The following STMN2 variants were observed in gnomAD, a reference collection of about 807,000 sequenced individuals.
STMN2 encodes stathmin-2.
Under a neutral mutation model 24.1 loss-of-function variants are expected in STMN2, and 2 were observed. The observed-to-expected ratio is 0.08, with a 90% CI of 0.03 to 0.26. The LOEUF is 0.26. Among genes scored for constraint, STMN2 ranks in the 10% least tolerant of loss-of-function variants. STMN2 has a pLI of 1.00. For missense variants in STMN2, 114 were observed against 213.6 expected (o/e 0.53, Z 2.91); for synonymous variants, 83 against 77.5 (o/e 1.07, Z -0.37).
At chr8:79,642,788 GA>G (rs1240565640) in intron 3 of STMN2, among the ~76,000 whole-genome samples, 1 of 150,600 alleles carries the variant, frequency 6.6e-6, no homozygotes, top group Non-Finnish European at 1.5e-5. Flanking sequence ...CTTTGTAGTT[GA>G]AAAAAAATCC....
At position 79,611,136 on chromosome 8, in the gene STMN2, T is replaced by C; in HGVS notation, c.-60T>C. ...TTATTCAGTCTTCTCTCTCGCTCTC[T>C]CCGCTGCTGTAGCCGGACCCTTTGC... On this transcript the variant is annotated 5_prime_UTR_variant, in exon 1 of 5. Transcript: ENST00000220876. 2.5e-6 allele frequency: 4 copies of C among 1,612,488 alleles called. No homozygotes were observed. In the South Asian group the frequency reaches 4.4e-5, roughly 18 times the overall value.
chr8:79,617,712 G>A (rs772249073), intron 1 of STMN2, among the ~76,000 whole-genome samples: 4 of 152,210 alleles, frequency 2.6e-5, no homozygotes, highest in African/African-American at 9.7e-5. Context: ...TGAGGGCCTC[G>A]AGCCAATAAG....
intron 3 of STMN2, among the ~76,000 whole-genome samples, chr8:79,642,817 T>C (rs886396514): frequency 2.0e-5 from 3 of 151,390 alleles, no homozygotes; most frequent in Admixed American, 2.0e-4. Context: ...ATATGTAATA[T>C]GCTGATCTCA....
At position 79,641,638 on chromosome 8, in the gene STMN2, A is replaced by G. The variant is rs951443185; in HGVS notation, c.288+88A>G. The G allele has an allele frequency of 2.3e-3, 1,095 of 470,444 alleles. 9 individuals carry two copies. The highest frequency in any genetic ancestry group is 0.022 in the African/African-American group (882 of 40,958). The allele number at this position is 470,444 out of a possible 1,614,324, so 29.1% of individuals were successfully genotyped here. ...CGGGCACACATGCACGCACACACAC[A>G]CACACACACACACACACACACACAC... On this transcript the variant is annotated intron_variant, in intron 3 of 4. Coordinates refer to ENST00000220876, the MANE Select transcript of STMN2 (RefSeq NM_007029.4).
At chr8:79,633,549 C>T (rs182087136) in intron 1 of STMN2, among the ~76,000 whole-genome samples, 1 of 152,244 alleles carries the variant, frequency 6.6e-6, no homozygotes, top group Admixed American at 6.5e-5. Context: ...GAGATCAGGC[C>T]GCCAGAATGA....
At chr8:79,661,682 AT>A (rs1806504999) in intron 4 of STMN2, among the ~76,000 whole-genome samples, 1 of 152,072 alleles carries the variant, frequency 6.6e-6, no homozygotes, top group South Asian at 2.1e-4. Flanking sequence ...GATTATCCCC[AT>A]TTCACATCTA....
In STMN2 at chr8:79,665,527, A is replaced by T. The variant is rs1806580932; in HGVS notation, c.*653A>T. ...GTGCTTTGGCTTTAGAAAGGGATGG[A>T]TGAGAAGACAGACCTGAGACCAATC... On this transcript the variant is annotated 3_prime_UTR_variant, in exon 5 of 5. Transcript: ENST00000220876. 1 of 154,430 alleles carries T rather than the reference A, an allele frequency of 6.5e-6. No individual in the cohort carries two copies. Among genetic ancestry groups the T allele is most frequent in the Non-Finnish European group, 1.5e-5 (1 of 68,232 alleles). The allele number at this position is 154,430 out of a possible 1,614,324, so 9.6% of individuals were successfully genotyped here. A position where few individuals can be genotyped will look rare whatever the true frequency, so the allele number is the denominator to read the frequency against.
chr8:79,664,063 C>T (rs1430857911), intron 4 of STMN2, among the ~76,000 whole-genome samples: 3 of 152,160 alleles, frequency 2.0e-5, no homozygotes, highest in African/African-American at 7.2e-5. Context: ...CAGAGAGGCT[C>T]ATAATACAAC....
chr8:79,613,696 T>C (rs1218278051), intron 1 of STMN2: 1 of 985,368 alleles, frequency 1.0e-6, no homozygotes, highest in East Asian at 1.1e-4. Flanking sequence ...TGGTTAAGGA[T>C]TAACCCTTGT....
At chr8:79,615,644 A>G (rs1809366450) in intron 1 of STMN2, among the ~76,000 whole-genome samples, 1 of 152,222 alleles carries the variant, frequency 6.6e-6, no homozygotes, top group East Asian at 1.9e-4. Context: ...AAAGCAGATG[A>G]TTGATGTAAA....
chr8:79,651,027 A>G (rs535696960), intron 3 of STMN2, among the ~76,000 whole-genome samples: 2 of 152,380 alleles, frequency 1.3e-5, no homozygotes, highest in African/African-American at 2.4e-5. Flanking sequence ...GCTTTCCACC[A>G]TAATTGACTT....
At chr8:79,663,546 T>TTA in intron 4 of STMN2, 1 of 1,394,352 alleles carries the variant, frequency 7.2e-7, no homozygotes, top group South Asian at 1.3e-5. Context: ...CTCCTTGAGA[T>TTA]TAATAGAGTT....
chr8:79,615,636 A>T (rs1193774704), intron 1 of STMN2, among the ~76,000 whole-genome samples: 1 of 152,234 alleles, frequency 6.6e-6, no homozygotes, highest in East Asian at 1.9e-4. Flanking sequence ...TCTCTAAAAA[A>T]GCAGATGATT....
intron 1 of STMN2, chr8:79,611,718 T>C (rs992945582): frequency 1.0e-6 from 1 of 973,162 alleles, no homozygotes; most frequent in African/African-American, 1.8e-5. Flanking sequence ...GGGGAGGGGA[T>C]GGAGAGAACT....
At chr8:79,651,935 G>A (rs528366726) in intron 3 of STMN2, among the ~76,000 whole-genome samples, 2 of 152,282 alleles carry the variant, frequency 1.3e-5, no homozygotes, top group South Asian at 4.1e-4. Context: ...TAAAAATCCA[G>A]GTGGATCCTA....
At chr8:79,619,838 T>A (rs369156352) in intron 1 of STMN2, among the ~76,000 whole-genome samples, 1 of 152,208 alleles carries the variant, frequency 6.6e-6, no homozygotes, top group Non-Finnish European at 1.5e-5. Flanking sequence ...ACATATTACA[T>A]GATCCTGCAC....
intron 3 of STMN2, among the ~76,000 whole-genome samples, chr8:79,643,153 A>G (rs1026644857): frequency 6.9e-5 from 10 of 145,840 alleles, no homozygotes; most frequent in South Asian, 2.1e-4. Context: ...GTGTGTGTAT[A>G]TATATATATA....
At chr8:79,651,485 C>G (rs1426795356) in intron 3 of STMN2, among the ~76,000 whole-genome samples, 2 of 152,158 alleles carry the variant, frequency 1.3e-5, no homozygotes, top group Non-Finnish European at 2.9e-5. Context: ...TCATGCAGAT[C>G]AAATGTGTCC....
chr8:79,641,276 C>A (rs140746425), intron 2 of STMN2, 102 bp from the exon 3 acceptor site: 1 of 1,279,202 alleles, frequency 7.8e-7, no homozygotes, highest in East Asian at 2.4e-5. Context: ...TCCTATCTCC[C>A]GGAATAACAA....
Sources: gnomAD v4.1 joint callset for allele counts (sites outside exome capture counted in the v4.1 genomes callset) on GRCh38, gnomAD v4.1.1 for gene constraint, MANE v1.5 for transcripts, NCBI Gene and HGNC (gene_info 2026-07-23, HGNC 2026-07-21) for gene names.